ENPP6: variants seen among roughly 807,000 people sequenced by gnomAD.
ENPP6 encodes the protein ectonucleotide pyrophosphatase/phosphodiesterase 6, also known as glycerophosphocholine cholinephosphodiesterase ENPP6.
A neutral mutation model predicts 42.0 loss-of-function variants in ENPP6; 32 were observed. The ratio of observed to expected loss-of-function variants is 0.76; its 90% CI spans 0.58 to 1.02. The LOEUF is 1.02. Ranked by LOEUF, ENPP6 falls within the 50% of genes least tolerant of loss-of-function variation. ENPP6 has a pLI of 0.00. For missense variants in ENPP6, 552 were observed against 566.8 expected (o/e 0.97, Z 0.27); for synonymous variants, 213 against 216.0 (o/e 0.99, Z 0.12).
chr4:184,209,045 C>A (rs1406897773), intron 1 of ENPP6, among the ~76,000 whole-genome samples: 6 of 146,408 alleles, frequency 4.1e-5, no homozygotes, highest in South Asian at 2.2e-4. Context: ...AGAAGGAAAA[C>A]TAACAAACAG....
At chr4:184,097,109 G>C in intron 7 of ENPP6, 136 bp downstream of exon 7, 1 of 1,298,886 alleles carries the variant, frequency 7.7e-7, no homozygotes, top group Admixed American at 2.3e-5. Flanking sequence ...ATGGAGACCG[G>C]CTGGGTTTGC....
chr4:184,112,619 A>C (rs1473819807), intron 6 of ENPP6, 53 bp downstream of exon 6: 2 of 1,556,150 alleles, frequency 1.3e-6, no homozygotes, highest in South Asian at 1.2e-5. Flanking sequence ...TTAACTTTGG[A>C]CTGTTTTATA....
At chr4:184,122,948 C>T (rs1736443566) in intron 3 of ENPP6, among the ~76,000 whole-genome samples, 1 of 152,188 alleles carries the variant, frequency 6.6e-6, no homozygotes, top group African/African-American at 2.4e-5. Context: ...TAGACTGCAG[C>T]GCAATATACC....
intron 3 of ENPP6, 79 bp from the exon 4 acceptor site, chr4:184,117,979 T>G: frequency 1.3e-6 from 2 of 1,518,574 alleles, no homozygotes; most frequent in Non-Finnish European, 8.9e-7. Context: ...TAGCACTCTC[T>G]GAAGGTGTTC....
chr4:184,149,334 C>T (rs945794505), intron 2 of ENPP6, among the ~76,000 whole-genome samples: 3 of 152,190 alleles, frequency 2.0e-5, no homozygotes, highest in African/African-American at 7.2e-5. Context: ...AGAGGCTGTA[C>T]CTGATCCATA....
chr4:184,117,354 T>TA (rs1736337713), intron 4 of ENPP6, among the ~76,000 whole-genome samples: 1 of 152,224 alleles, frequency 6.6e-6, no homozygotes, highest in African/African-American at 2.4e-5. Flanking sequence ...GTGCCCATGT[T>TA]ACAGATGTAC....
At chr4:184,189,235 G>T (rs1018644938) in intron 1 of ENPP6, among the ~76,000 whole-genome samples, 2 of 152,188 alleles carry the variant, frequency 1.3e-5, no homozygotes, top group African/African-American at 2.4e-5. Flanking sequence ...CCTGAGTCAG[G>T]GGTGCTGTGT....
At chr4:184,162,999 G>A (rs1254858127) in intron 1 of ENPP6, among the ~76,000 whole-genome samples, 1 of 152,172 alleles carries the variant, frequency 6.6e-6, no homozygotes, top group East Asian at 1.9e-4. Flanking sequence ...TGTCCTAGAG[G>A]CCATCCCTCA....
intron 1 of ENPP6, among the ~76,000 whole-genome samples, chr4:184,208,899 A>G (rs1256527838): frequency 1.4e-5 from 2 of 144,238 alleles, no homozygotes; most frequent in Non-Finnish European, 3.1e-5. Context: ...GAGAACGGGC[A>G]GACTGCCTCC....
chr4:184,095,218 G>T (rs1176444298), intron 7 of ENPP6, among the ~76,000 whole-genome samples: 2 of 152,150 alleles, frequency 1.3e-5, no homozygotes, highest in Non-Finnish European at 2.9e-5. Flanking sequence ...AAAAGACTGG[G>T]CGCTTTTAGT....
chr4:184,116,395 C>T lies in ENPP6; in HGVS notation c.855+461G>A, dbSNP rs950156761. ...GTGAGAGGTAAACTAGGTCATCTGTCTCCAGCACCCGAGCTCCTGACACTG... is the reference window on the plus strand; with the variant it reads ...GTGAGAGGTAAACTAGGTCATCTGTTTCCAGCACCCGAGCTCCTGACACTG... On this transcript the variant is annotated intron_variant, in intron 5 of 7. Coordinates refer to ENST00000296741, the MANE Select transcript of ENPP6 (RefSeq NM_153343.4). Among the ~76,000 whole-genome samples, 4 of 152,168 alleles carry T rather than the reference C, an allele frequency of 2.6e-5. No individual in the cohort carries two copies. The East Asian group carries it at 7.7e-4, about 29-fold the overall frequency.
At chr4:184,097,831 G>T (rs1187787093) in intron 6 of ENPP6, among the ~76,000 whole-genome samples, 1 of 152,194 alleles carries the variant, frequency 6.6e-6, no homozygotes, top group Admixed American at 6.5e-5. Flanking sequence ...GCTACTGAGA[G>T]GGGTCCTGGG....
intron 1 of ENPP6, among the ~76,000 whole-genome samples, chr4:184,186,754 T>G (rs887275512): frequency 5.3e-5 from 8 of 152,214 alleles, no homozygotes; most frequent in Non-Finnish European, 1.0e-4. Flanking sequence ...TCCCAGTTCA[T>G]GCATTTGCCC....
At chr4:184,149,886 T>C (rs777273204) in intron 2 of ENPP6, among the ~76,000 whole-genome samples, 1 of 152,184 alleles carries the variant, frequency 6.6e-6, no homozygotes, top group Non-Finnish European at 1.5e-5. Context: ...CTATTTTCCC[T>C]CCTTCCTCCC....
At chr4:184,200,972 C>T (rs1276407808) in intron 1 of ENPP6, among the ~76,000 whole-genome samples, 1 of 152,214 alleles carries the variant, frequency 6.6e-6, no homozygotes, top group Admixed American at 6.5e-5. Flanking sequence ...TCAGCCCCGA[C>T]AGCCCTTTGT....
At chr4:184,130,341 G>A (rs367589985) in intron 2 of ENPP6, among the ~76,000 whole-genome samples, 119 of 150,774 alleles carry the variant, frequency 7.9e-4, no homozygotes, top group Non-Finnish European at 1.3e-3. Context: ...GGTGGATCAC[G>A]AGGTCAGGAG....
intron 2 of ENPP6, among the ~76,000 whole-genome samples, chr4:184,132,986 C>T (rs756944313): frequency 6.6e-6 from 1 of 151,866 alleles, no homozygotes; most frequent in Non-Finnish European, 1.5e-5. Context: ...TGACCTTTAC[C>T]CTTAGTCTAT....
At chr4:184,179,295 G>C (rs1732501065) in intron 1 of ENPP6, among the ~76,000 whole-genome samples, 1 of 152,146 alleles carries the variant, frequency 6.6e-6, no homozygotes, top group Admixed American at 6.5e-5. Context: ...TTATATAATG[G>C]TAAAGGTCTC....
intron 2 of ENPP6, among the ~76,000 whole-genome samples, chr4:184,143,610 C>T (rs778045106): frequency 6.6e-6 from 1 of 152,200 alleles, no homozygotes; most frequent in Non-Finnish European, 1.5e-5. Context: ...CTGGGAGCCC[C>T]GCTTTCTGTC....
Sources: allele counts gnomAD v4.1 joint callset (sites outside exome capture counted in the v4.1 genomes callset), GRCh38; gene constraint gnomAD v4.1.1; transcripts MANE v1.5; gene names NCBI Gene and HGNC (gene_info 2026-07-23, HGNC 2026-07-21).